Variants in CC2D2B observed in about 807,000 individuals in gnomAD.
CC2D2B encodes protein CC2D2B.
In CC2D2B, 128 loss-of-function variants were observed where a neutral mutation model predicts 161.2. That is an observed-to-expected ratio of 0.79 (90% CI 0.69 to 0.92). CC2D2B has a LOEUF of 0.92. CC2D2B is among the 40% of genes least tolerant of loss of function. CC2D2B has a pLI of 0.00. For missense variants in CC2D2B, 1,173 were observed against 1,375.1 expected (o/e 0.85, Z 2.32); for synonymous variants, 391 against 449.8 (o/e 0.87, Z 1.65).
chr10:95,951,212 G>C (rs1471424449), intron 10 of CC2D2B, among the ~76,000 whole-genome samples: 1 of 151,896 alleles, frequency 6.6e-6, no homozygotes, highest in Non-Finnish European at 1.5e-5. Context: ...CAATGCAGTG[G>C]CTCAATCATG....
At chr10:95,947,113 AT>A (rs753866384) in intron 9 of CC2D2B, among the ~76,000 whole-genome samples, 1,309 of 47,792 alleles carry the variant, frequency 0.027, 20 homozygotes, top group African/African-American at 0.049. Context: ...ATATATATAT[AT>A]TTTTTTTTTT....
Position 96,019,750 on chromosome 10 carries a change from G to T in CC2D2B, c.3814G>T (p.Asp1272Tyr), listed in dbSNP as rs200300447. The T allele has an allele frequency of 1.9e-6, 3 of 1,600,494 alleles. No individual in the cohort carries two copies. The highest frequency in any genetic ancestry group is 1.8e-5 in the Admixed American group (1 of 56,434). ...TAATACACCAATGGCTGTATTTTTT[G>T]ACTATTCAAAGGAAAGTTTCTGGAA... ...QNNTPMAVFF[D>Y]YSKESFWKQL... Residue 1272 changes from aspartate to tyrosine, a missense_variant, in exon 32 of 35, where the codon GAC becomes TAC. Physicochemically the swap from Asp to Tyr is radical, Grantham distance 160. Coordinates refer to ENST00000646931, the MANE Select transcript of CC2D2B (RefSeq NM_001349008.3).
chr10:95,991,651 A>G (rs559489229), intron 21 of CC2D2B, among the ~76,000 whole-genome samples, 190 bp downstream of exon 21: 1 of 152,330 alleles, frequency 6.6e-6, no homozygotes, highest in South Asian at 2.1e-4. Context: ...TCTACATGAT[A>G]TATTTTCAAT....
At chr10:95,918,214 G>A (rs958163412) in intron 2 of CC2D2B, among the ~76,000 whole-genome samples, 1 of 152,194 alleles carries the variant, frequency 6.6e-6, no homozygotes, top group African/African-American at 2.4e-5. Flanking sequence ...AGAGAGTTTT[G>A]TACCTTCAGA....
In CC2D2B at chr10:95,938,586, C is replaced by T; in HGVS notation, c.553C>T (p.Leu185=). The T allele has an allele frequency of 2.9e-6, 2 of 700,504 alleles. No individual in the cohort carries two copies. Among genetic ancestry groups the T allele is most frequent in the Non-Finnish European group, 2.6e-6 (1 of 380,864 alleles). 43.4% of individuals were successfully genotyped at this position (700,504 alleles called of 1,614,324 possible). Residue 185 remains leucine, a synonymous_variant, in exon 8 of 35, where the codon CTG becomes TTG. Coordinates refer to ENST00000646931, the MANE Select transcript of CC2D2B (RefSeq NM_001349008.3). ...TTATAAAGTGGTTAACCAGCGCAAA[C>T]TGCCAAAAGATATGATGCCACGTAT... ...SSSPVVNQRK[L]PKDMMPRILE... is the part of the protein sequence containing the mutation.
chr10:95,969,258 C>T (rs2077042176), intron 15 of CC2D2B, among the ~76,000 whole-genome samples: 1 of 152,160 alleles, frequency 6.6e-6, no homozygotes, highest in Admixed American at 6.6e-5. Context: ...CGAACTTCCA[C>T]ATTCCTGACT....
chr10:96,013,849 A>G lies in CC2D2B; in HGVS notation c.3488A>G (p.Asp1163Gly). The stretch of plus-strand genomic sequence containing the variant: ...GTGCCTAATACACCAGATGAAAATG[A>G]TGGCTCTGATATATGGATGACATCA... ...PFVPNTPDEN[D>G]GSDIWMTSEH... is the part of the protein sequence containing the mutation. The change falls in exon 29 of 35, where the codon GAT becomes GGT. Residue 1163 changes from aspartate to glycine, a missense_variant. Asp to Gly is a moderately conservative substitution (Grantham distance 94, BLOSUM62 -1). Transcript: ENST00000646931. 6.3e-7 allele frequency: 1 copy of G among 1,595,818 alleles called. No individual in the cohort carries two copies. The highest frequency in any genetic ancestry group is 8.6e-7 in the Non-Finnish European group (1 of 1,168,882).
At chr10:95,973,972 A>G in intron 16 of CC2D2B, 37 bp from the exon 17 acceptor site, 1 of 1,206,880 alleles carries the variant, frequency 8.3e-7, no homozygotes, top group African/African-American at 1.6e-5. Context: ...ACTGCACTTA[A>G]AACAATTCAT....
At chr10:95,955,122 A>T (rs1042157057) in intron 10 of CC2D2B, among the ~76,000 whole-genome samples, 2 of 152,100 alleles carry the variant, frequency 1.3e-5, no homozygotes, top group Non-Finnish European at 2.9e-5. Context: ...GCATTTCTTT[A>T]TATCAATTGA....
At chr10:95,926,615 A>G (rs2098538969) in intron 5 of CC2D2B, among the ~76,000 whole-genome samples, 1 of 151,952 alleles carries the variant, frequency 6.6e-6, no homozygotes, top group Admixed American at 6.6e-5. Context: ...TTATTATAGA[A>G]TTGATTCCTT....
chr10:95,993,870 A>AGT (rs1491056083), intron 22 of CC2D2B, among the ~76,000 whole-genome samples: 11 of 95,966 alleles, frequency 1.1e-4, no homozygotes, highest in Non-Finnish European at 1.9e-5. Flanking sequence ...AGAGAGAGAG[A>AGT]GTGTATATAT....
chr10:95,981,164 G>A (rs774376580), intron 17 of CC2D2B, among the ~76,000 whole-genome samples: 1 of 152,042 alleles, frequency 6.6e-6, no homozygotes, highest in East Asian at 1.9e-4. Context: ...GAGGCCAAGG[G>A]GGGCGGATCA....
intron 10 of CC2D2B, among the ~76,000 whole-genome samples, chr10:95,951,535 T>C (rs1192504354): frequency 6.6e-6 from 1 of 152,206 alleles, no homozygotes. Context: ...TATCAGAAGA[T>C]TTCCTAAAAT....
chr10:96,028,258 G>A lies in CC2D2B; in HGVS notation c.4125+869G>A, dbSNP rs1186491950. Among the ~76,000 whole-genome samples, 4 of 151,926 alleles carry A rather than the reference G, an allele frequency of 2.6e-5. No individual in the cohort carries two copies. In the East Asian group the frequency reaches 7.7e-4, roughly 29 times the overall value. ...GGGATTAATAACCAGAATATATAAG[G>A]GGCCCAAACAACTATAAGAAAAAAA... On this transcript the variant is annotated intron_variant, in intron 34 of 34. Coordinates refer to ENST00000646931, the MANE Select transcript of CC2D2B (RefSeq NM_001349008.3).
intron 2 of CC2D2B, among the ~76,000 whole-genome samples, chr10:95,913,949 G>A (rs1374325926): frequency 6.6e-6 from 1 of 152,118 alleles, no homozygotes; most frequent in East Asian, 1.9e-4. Context: ...TTACTTTGCA[G>A]AAGCTTTTTA....
At chr10:95,957,584 A>C (rs1296186651) in intron 11 of CC2D2B, among the ~76,000 whole-genome samples, 1 of 126,872 alleles carries the variant, frequency 7.9e-6, no homozygotes, top group Non-Finnish European at 1.6e-5. Context: ...TTTTTGAGAC[A>C]GAGTCTTGCT....
intron 17 of CC2D2B, among the ~76,000 whole-genome samples, chr10:95,977,628 T>C (rs1802424784): frequency 6.6e-6 from 1 of 152,276 alleles, no homozygotes; most frequent in African/African-American, 2.4e-5. Context: ...AGTTAGTTTC[T>C]ATGGATAGCA....
intron 32 of CC2D2B, chr10:96,021,193 T>C (rs575628395): frequency 1.5e-4 from 23 of 152,360 alleles, no homozygotes; most frequent in African/African-American, 5.5e-4. Context: ...ATGTTGATAA[T>C]ACCTGGTAAA....
chr10:96,002,628 T>C (rs1216162224), intron 24 of CC2D2B, among the ~76,000 whole-genome samples: 4 of 152,144 alleles, frequency 2.6e-5, no homozygotes, highest in African/African-American at 9.7e-5. Context: ...TCTGGCAACA[T>C]GAAAGGAAAT....
Sources: gnomAD v4.1 joint callset for allele counts (sites outside exome capture counted in the v4.1 genomes callset) on GRCh38, gnomAD v4.1.1 for gene constraint, MANE v1.5 for transcripts, NCBI Gene and HGNC (gene_info 2026-07-23, HGNC 2026-07-21) for gene names.